The following JCAD variants were observed in gnomAD, a reference collection of about 807,000 sequenced individuals.
JCAD encodes the protein junctional cadherin 5 associated.
Under a neutral mutation model 98.0 loss-of-function variants are expected in JCAD, and 40 were observed. The ratio of observed to expected loss-of-function variants is 0.41; its 90% CI spans 0.32 to 0.53. JCAD has a LOEUF of 0.53. Among genes scored for constraint, JCAD ranks in the 20% least tolerant of loss-of-function variants. The pLI is 0.31. For synonymous variants in JCAD, 691 were observed against 682.3 expected, an observed-to-expected ratio of 1.01 and a Z score of -0.20; for missense variants, 1,705 against 1,738.1, an observed-to-expected ratio of 0.98 and a Z score of 0.34.
rs150937412 is a variant in JCAD, at chr10:30,070,936, C to T, written n.129-1115G>A. Among the ~76,000 whole-genome samples, 232 of 152,296 alleles carry T rather than the reference C, an allele frequency of 1.5e-3. 2 individuals carry two copies. Among genetic ancestry groups the T allele is most frequent in the African/African-American group, 5.1e-3 (213 of 41,560 alleles). Reference sequence around the variant, plus strand: ...GTTTGTTTGTTTTGAGACGGAGTCTCGCTTTATCGCTCAGGTTGAAGTGCA... The same window carrying T: ...GTTTGTTTGTTTTGAGACGGAGTCTTGCTTTATCGCTCAGGTTGAAGTGCA... On this transcript the variant is annotated intron_variant and non_coding_transcript_variant, in intron 1 of 2. Coordinates refer to the JCAD transcript ENST00000465712.
intron 2 of JCAD, among the ~76,000 whole-genome samples, chr10:30,032,175 T>C (rs1252922679): frequency 1.3e-5 from 2 of 152,194 alleles, no homozygotes; most frequent in Non-Finnish European, 2.9e-5. Flanking sequence ...GGTGAAACTC[T>C]CTGCAAGGCA....
chr10:30,042,304 C>T (rs1291023130), intron 2 of JCAD, among the ~76,000 whole-genome samples: 3 of 152,180 alleles, frequency 2.0e-5, no homozygotes, highest in Non-Finnish European at 4.4e-5. Context: ...GCTCAGGCAC[C>T]CATGCCTGGT....
At chr10:30,100,655 A>G (rs1349151114) in intron 1 of JCAD, among the ~76,000 whole-genome samples, 1 of 152,182 alleles carries the variant, frequency 6.6e-6, no homozygotes, top group Non-Finnish European at 1.5e-5. Context: ...AAGTGCTGGG[A>G]TTACAGGTGT....
At chr10:30,039,736 G>A (rs1056301320) in intron 2 of JCAD, among the ~76,000 whole-genome samples, 1 of 152,130 alleles carries the variant, frequency 6.6e-6, no homozygotes, top group Non-Finnish European at 1.5e-5. Context: ...GTGTTGGAAC[G>A]TTGCCAGGAG....
At chr10:30,105,679 A>G (rs908388028) in intron 1 of JCAD, among the ~76,000 whole-genome samples, 5 of 152,182 alleles carry the variant, frequency 3.3e-5, no homozygotes, top group Non-Finnish European at 7.3e-5. Context: ...TACTGAAATA[A>G]TGCAACATAA....
chr10:30,092,496 C>T (rs534057826), intron 1 of JCAD, among the ~76,000 whole-genome samples: 121 of 152,194 alleles, frequency 8.0e-4, no homozygotes, highest in African/African-American at 2.9e-3. Flanking sequence ...CAGGCCAATG[C>T]GTTGTTTTTA....
At chr10:30,049,983 T>G (rs945811138) in intron 1 of JCAD, among the ~76,000 whole-genome samples, 1 of 152,164 alleles carries the variant, frequency 6.6e-6, no homozygotes, top group Admixed American at 6.5e-5. Context: ...GAAGGGGAAC[T>G]GGCATTTAAA....
In JCAD at chr10:30,026,442, G is replaced by A. The variant is rs557466241; in HGVS notation, c.3706C>T (p.Pro1236Ser). The A allele has an allele frequency of 1.2e-6, 2 of 1,614,220 alleles. No individual in the cohort carries two copies. Among genetic ancestry groups the A allele is most frequent in the South Asian group, 2.2e-5 (2 of 91,088 alleles). The stretch of plus-strand genomic sequence containing the variant: ...TGTAAACTTTCAATCACTTTGGAAG[G>A]GCTTCTAAGTCTCTTTTCAGAGCCT... The part of the protein sequence containing the change: ...VAGSEKRLRS[P>S]SKVIESLQEK... The change falls in exon 3 of 4, where the codon CCT becomes TCT. Residue 1236 changes from proline to serine, a missense_variant. Physicochemically the swap from Pro to Ser is moderately conservative, Grantham distance 74 (BLOSUM62 -1). Around this residue, in one of 3 missense-constraint regions of JCAD, gnomAD observed 1,278 missense variants for 1,243.1 expected, o/e 1.03. Transcript: ENST00000375377.
chr10:30,021,977 T>C lies in JCAD; in HGVS notation c.4046-4060A>G, dbSNP rs138258511. The stretch of plus-strand genomic sequence containing the variant: ...TCCCTCATTTTGGGCCTCACACAGA[T>C]ATCTCTTCTCATTCTTCCCCTGGAC... On this transcript the variant is annotated intron_variant, in intron 3 of 3. Transcript: ENST00000375377. 5.0e-3 allele frequency among the ~76,000 whole-genome samples: 756 copies of C among 152,322 alleles called. 7 individuals carry two copies. The highest frequency in any genetic ancestry group is 0.017 in the African/African-American group (696 of 41,564).
intron 1 of JCAD, among the ~76,000 whole-genome samples, chr10:30,090,693 A>G (rs1372782823): frequency 1.3e-5 from 2 of 152,178 alleles, no homozygotes; most frequent in Non-Finnish European, 2.9e-5. Flanking sequence ...GCAGGACCCT[A>G]AAAACTGAAA....
intron 1 of JCAD, among the ~76,000 whole-genome samples, chr10:30,088,330 G>A (rs954261470): frequency 2.6e-5 from 4 of 152,112 alleles, no homozygotes; most frequent in Non-Finnish European, 4.4e-5. Context: ...GGAAGTTGGA[G>A]CTAAAACAGT....
Position 30,020,343 on chromosome 10 carries a change from A to G in JCAD, c.4046-2426T>C, listed in dbSNP as rs560403394. 9.7e-3 allele frequency among the ~76,000 whole-genome samples: 1,474 copies of G among 151,588 alleles called. 16 individuals carry two copies. Among genetic ancestry groups the G allele is most frequent in the Non-Finnish European group, 0.011 (777 of 67,912 alleles). ...CTCGGTCTCAAAAAAAAAAAAAAAAAAAAAGAAAAAGAAAAGTGAAAAACA... is the reference window on the plus strand; with the variant it reads ...CTCGGTCTCAAAAAAAAAAAAAAAAGAAAAGAAAAAGAAAAGTGAAAAACA... On this transcript the variant is annotated intron_variant, in intron 3 of 3. Coordinates refer to ENST00000375377, the MANE Select transcript of JCAD (RefSeq NM_020848.4).
intron 2 of JCAD, among the ~76,000 whole-genome samples, chr10:30,046,524 ACT>A (rs1837341324): frequency 6.6e-6 from 1 of 152,072 alleles, no homozygotes; most frequent in Non-Finnish European, 1.5e-5. Flanking sequence ...AGCCCTTTTC[ACT>A]CTCTGTAACC....
chr10:30,097,748 T>C (rs1261560942), intron 1 of JCAD, among the ~76,000 whole-genome samples: 1 of 151,606 alleles, frequency 6.6e-6, no homozygotes, highest in African/African-American at 2.4e-5. Context: ...GGGCGACAGA[T>C]GGAAACTCCG....
intron 1 of JCAD, among the ~76,000 whole-genome samples, chr10:30,056,393 G>A (rs1267947875): frequency 1.3e-5 from 2 of 152,132 alleles, no homozygotes; most frequent in African/African-American, 4.8e-5. Context: ...AGTAAACACT[G>A]CAAAACTCAG....
intron 1 of JCAD, among the ~76,000 whole-genome samples, chr10:30,103,733 C>CTTT (rs3858238): frequency 7.1e-5 from 9 of 126,746 alleles, no homozygotes; most frequent in Admixed American, 1.7e-4. Context: ...GTCAATTTTT[C>CTTT]TTTTTTTTTT....
At chr10:30,093,558 C>T (rs1341578851) in intron 1 of JCAD, among the ~76,000 whole-genome samples, 2 of 152,202 alleles carry the variant, frequency 1.3e-5, no homozygotes, top group Non-Finnish European at 2.9e-5. Context: ...TGATGAGTCT[C>T]TTATAGGATT....
chr10:30,043,042 A>G (rs1005030512), intron 2 of JCAD, among the ~76,000 whole-genome samples: 2 of 152,256 alleles, frequency 1.3e-5, no homozygotes, highest in Admixed American at 6.5e-5. Flanking sequence ...TAAACTATGT[A>G]TGAAGGAGAA....
chr10:30,029,350 T>A lies in JCAD; in HGVS notation c.798A>T (p.Ala266=). ...AATTCCTCGTGGAGTCCAAATTTGG[T>A]GCGCAAGTGGGAGGATACGGTGGCA... ...PKMPPYPPTC[A]PNLDSTRNSE... Residue 266 remains alanine (A), a synonymous_variant, in exon 3 of 4, where the codon GCA becomes GCT. Coordinates refer to ENST00000375377, the MANE Select transcript of JCAD (RefSeq NM_020848.4). 1 of 1,613,890 alleles carries A rather than the reference T, an allele frequency of 6.2e-7. No individual in the cohort carries two copies.
Sources: gnomAD v4.1 joint callset for allele counts (sites outside exome capture counted in the v4.1 genomes callset) on GRCh38, gnomAD v4.1.1 for gene constraint, gnomAD v4.1.1 regional missense constraint, MANE v1.5 for transcripts, NCBI Gene and HGNC (gene_info 2026-07-23, HGNC 2026-07-21) for gene names.